The following CAST variants were observed in gnomAD, a reference collection of about 807,000 sequenced individuals.
CAST encodes MIR583 host.
CAST carries 76 observed loss-of-function variants against 119.6 expected under a neutral mutation model. The observed-to-expected ratio is 0.64, with a 90% CI of 0.53 to 0.77. CAST has a LOEUF of 0.77. CAST is among the 30% of genes least tolerant of loss of function. The probability of loss-of-function intolerance (pLI) is 0.00; values close to 1 mark genes in which losing one functional copy is unlikely to be tolerated. For synonymous variants in CAST, 319 were observed against 331.6 expected (o/e 0.96, Z 0.41); for missense variants, 953 against 946.5 (o/e 1.01, Z -0.09).
chr5:96,619,692 A>G (rs964264044), intron 1 of CAST, among the ~76,000 whole-genome samples: 2 of 152,096 alleles, frequency 1.3e-5, no homozygotes, highest in Non-Finnish European at 2.9e-5. Context: ...AGCAACTCCG[A>G]ACGCATCCAA....
At chr5:96,283,340 T>A in the CAST span, among the ~76,000 whole-genome samples, 15 of 152,246 alleles carry the variant, frequency 9.9e-5, no homozygotes, top group African/African-American at 3.1e-4. Flanking sequence ...AAATAGAGTA[T>A]AAGGGGCTTC....
Position 96,534,716 on chromosome 5 carries a change from A to AAGGAAGGAAG in CAST, c.60+4836_60+4837insAGGAAGGAAG, listed in dbSNP as rs1230508746. Among the ~76,000 whole-genome samples, 37 of 34,762 alleles carry AAGGAAGGAAG rather than the reference A, an allele frequency of 1.1e-3. 3 individuals carry two copies. Among genetic ancestry groups the AAGGAAGGAAG allele is most frequent in the Middle Eastern group, 0.023 (2 of 86 alleles). The allele number at this position is 34,762 out of a possible 152,430, so 22.8% of individuals were successfully genotyped here. ...GAAGGAAGGAAGGAAGGAAGGAAGGAGAGAGAGAGAGAGAGAGAGAGAGAG... is the reference window on the plus strand; with the variant it reads ...GAAGGAAGGAAGGAAGGAAGGAAGGAAGGAAGGAAGGAGAGAGAGAGAGAGAGAGAGAGAG... On this transcript the variant is annotated intron_variant, in intron 1 of 11. Coordinates refer to the CAST transcript ENST00000505143.
chr5:96,015,921 C>T, the CAST span, among the ~76,000 whole-genome samples: 2 of 152,132 alleles, frequency 1.3e-5, no homozygotes, highest in East Asian at 3.8e-4. Context: ...AGACTATAGT[C>T]TCCAGTGTAG....
chr5:96,505,347 G>A, the CAST span, among the ~76,000 whole-genome samples: 7,008 of 152,136 alleles, frequency 0.046, 540 homozygotes, highest in African/African-American at 0.16. Flanking sequence ...GGGCATGGTG[G>A]CGGGTGCCTG....
chr5:96,178,890 C>T, the CAST span, among the ~76,000 whole-genome samples: 26 of 152,296 alleles, frequency 1.7e-4, no homozygotes, highest in African/African-American at 5.3e-4. Flanking sequence ...CAGGTTCAAA[C>T]TCAACTGATT....
the CAST span, among the ~76,000 whole-genome samples, chr5:96,349,139 A>ATTTTTTTTTTTTTTTTTTTTTTTTTTT: frequency 1.9e-3 from 172 of 89,528 alleles, 5 homozygotes; most frequent in East Asian, 2.6e-3. Context: ...CAAGGACACT[A>ATTTTTTTTTTTTTTTTTTTTTTTTTTT]TTTTTTTTTT....
chr5:96,456,207 G>A, the CAST span, among the ~76,000 whole-genome samples: 3 of 152,306 alleles, frequency 2.0e-5, no homozygotes, highest in East Asian at 1.9e-4. Flanking sequence ...AGGACCAGAC[G>A]TTGATTTCTT....
chr5:96,043,576 C>G, the CAST span, among the ~76,000 whole-genome samples: 2 of 152,188 alleles, frequency 1.3e-5, no homozygotes, highest in Admixed American at 1.3e-4. Context: ...AACTGCCTCC[C>G]TGGTCACAAG....
At chr5:96,325,479 A>C in the CAST span, among the ~76,000 whole-genome samples, 1 of 75,114 alleles carries the variant, frequency 1.3e-5, no homozygotes. Context: ...TATTTATTTT[A>C]TTTATTTATT....
At chr5:96,036,773 T>A in the CAST span, among the ~76,000 whole-genome samples, 1 of 152,164 alleles carries the variant, frequency 6.6e-6, no homozygotes, top group African/African-American at 2.4e-5. Context: ...CTTAGTCTTG[T>A]TTGCCCTGTT....
chr5:96,639,656 A>G (rs891921631), intron 1 of CAST, among the ~76,000 whole-genome samples: 1 of 152,216 alleles, frequency 6.6e-6, no homozygotes, highest in African/African-American at 2.4e-5. Flanking sequence ...AGGATGGGCC[A>G]TGCAGGGACC....
At chr5:96,023,102 G>A in the CAST span, among the ~76,000 whole-genome samples, 1 of 152,148 alleles carries the variant, frequency 6.6e-6, no homozygotes, top group African/African-American at 2.4e-5. Context: ...AGAATGGCTG[G>A]GGAAAGGAGA....
chr5:96,425,507 C>T, the CAST span, among the ~76,000 whole-genome samples: 3 of 152,062 alleles, frequency 2.0e-5, no homozygotes, highest in Admixed American at 6.5e-5. Context: ...GAGATTTTTG[C>T]CACAAGTACT....
intron 1 of CAST, among the ~76,000 whole-genome samples, chr5:96,602,729 A>G (rs1372743901): frequency 6.6e-6 from 1 of 152,362 alleles, no homozygotes; most frequent in East Asian, 1.9e-4. Context: ...AGCCTGGGCA[A>G]CAAGAGTGAA....
chr5:96,628,862 G>T (rs1747770917), intron 1 of CAST, among the ~76,000 whole-genome samples: 1 of 147,198 alleles, frequency 6.8e-6, no homozygotes, highest in Admixed American at 6.8e-5. Context: ...GAGGACATGA[G>T]GGGCGGGGGG....
At chr5:96,400,194 G>A in the CAST span, 1 of 1,595,080 alleles carries the variant, frequency 6.3e-7, no homozygotes, top group Non-Finnish European at 8.6e-7. Flanking sequence ...GGGCTGGAGG[G>A]GAAGTGACCC....
At chr5:96,427,988 C>CA in the CAST span, among the ~76,000 whole-genome samples, 2 of 151,946 alleles carry the variant, frequency 1.3e-5, no homozygotes, top group Non-Finnish European at 2.9e-5. Flanking sequence ...AATAACTTGA[C>CA]AAAAAAGAGC....
chr5:96,561,137 A>G (rs1011310514), intron 1 of CAST, among the ~76,000 whole-genome samples: 22 of 145,732 alleles, frequency 1.5e-4, no homozygotes, highest in Admixed American at 8.3e-4. Context: ...TCACTCACAG[A>G]TGGGAGTTGA....
the CAST span, among the ~76,000 whole-genome samples, chr5:95,980,070 G>A: frequency 2.9e-4 from 44 of 151,878 alleles, no homozygotes; most frequent in Middle Eastern, 3.4e-3. Flanking sequence ...GTGAGCCAAG[G>A]TCACACCATC....
Sources: gnomAD v4.1 joint callset for allele counts (sites outside exome capture counted in the v4.1 genomes callset) on GRCh38, gnomAD v4.1.1 for gene constraint, MANE v1.5 for transcripts, NCBI Gene and HGNC (gene_info 2026-07-23, HGNC 2026-07-21) for gene names.